SGCZ: variants seen among roughly 807,000 people sequenced by gnomAD.
The protein encoded by SGCZ is zeta-sarcoglycan.
In SGCZ, 40 loss-of-function variants were observed where a neutral mutation model predicts 41.3. That is an observed-to-expected ratio of 0.97 (90% CI 0.75 to 1.26). The LOEUF (loss-of-function observed/expected upper bound fraction) is 1.26, where lower values mean the gene tolerates loss of function less well. SGCZ is among the 50% of genes most tolerant of loss of function. SGCZ has a pLI of 0.00. For missense variants in SGCZ, 552 were observed against 369.8 expected (o/e 1.49, Z -4.04); for synonymous variants, 206 against 137.5 (o/e 1.50, Z -3.49).
chr8:15,161,028 T>C (rs138680335), intron 1 of SGCZ, among the ~76,000 whole-genome samples: 1 of 152,110 alleles, frequency 6.6e-6, no homozygotes, highest in Non-Finnish European at 1.5e-5. Context: ...GATGCTCTCC[T>C]GCTCAGTCCT....
intron 2 of SGCZ, among the ~76,000 whole-genome samples, chr8:14,517,257 C>CT (rs1802649953): frequency 6.6e-6 from 1 of 152,034 alleles, no homozygotes; most frequent in East Asian, 1.9e-4. Flanking sequence ...ATAAGAACAT[C>CT]TTTGACTCTA....
intron 1 of SGCZ, among the ~76,000 whole-genome samples, chr8:15,156,915 G>A (rs537361617): frequency 9.5e-5 from 14 of 146,866 alleles, no homozygotes; most frequent in East Asian, 8.1e-4. Context: ...ATCGCACTCC[G>A]CCTGGGCAAC....
intron 1 of SGCZ, among the ~76,000 whole-genome samples, chr8:15,175,789 AAC>A (rs1360377433): frequency 4.9e-4 from 74 of 152,334 alleles, no homozygotes; most frequent in African/African-American, 1.8e-3. Flanking sequence ...TAAAGGTTGA[AAC>A]ACAGGCAGAA....
chr8:14,691,575 G>T (rs1367346035), intron 1 of SGCZ, among the ~76,000 whole-genome samples: 1 of 151,854 alleles, frequency 6.6e-6, no homozygotes, highest in Admixed American at 6.6e-5. Context: ...TCTTGGAAAG[G>T]TTCAGCTAAT....
At chr8:14,180,856 C>T (rs1305711485) in intron 4 of SGCZ, among the ~76,000 whole-genome samples, 1 of 151,702 alleles carries the variant, frequency 6.6e-6, no homozygotes. Context: ...TTGAGCTGGA[C>T]AGTGCCCCCA....
chr8:14,958,264 T>C (rs1228021087), intron 1 of SGCZ, among the ~76,000 whole-genome samples: 1 of 151,930 alleles, frequency 6.6e-6, no homozygotes, highest in East Asian at 1.9e-4. Flanking sequence ...CAAGAGAAAA[T>C]ATGTATCCAT....
rs1482180776 is a variant in SGCZ, at chr8:14,348,279, G to T, written c.235-24075C>A. On this transcript the variant is annotated intron_variant, in intron 2 of 7. Transcript: ENST00000382080. Reference sequence around the variant, plus strand: ...CTCTCCACTCACACCAAAAATTTGAGATGGTTTCTTTGCAGCTTGAATCCA... The same window carrying T: ...CTCTCCACTCACACCAAAAATTTGATATGGTTTCTTTGCAGCTTGAATCCA... 2.6e-5 allele frequency among the ~76,000 whole-genome samples: 4 copies of T among 152,076 alleles called. No homozygotes were observed. In the East Asian group the frequency reaches 7.7e-4, roughly 29 times the overall value.
rs780862686 is a variant in SGCZ at position 14,511,873 on chromosome 8, T to A, written c.234+42859A>T. On this transcript the variant is annotated intron_variant, in intron 2 of 7. Transcript: ENST00000382080. ...AAGGACAGGGTATCCCTTGATTACA[T>A]CTGGGTACCACCAACATAGTCTATA... Among the ~76,000 whole-genome samples the A allele has an allele frequency of 9.5e-4, 145 of 152,256 alleles. 2 individuals are homozygous for A. Among genetic ancestry groups the A allele is most frequent in the Non-Finnish European group, 4.3e-4 (29 of 68,008 alleles).
intron 3 of SGCZ, among the ~76,000 whole-genome samples, chr8:14,238,111 G>A (rs1806833766): frequency 6.6e-6 from 1 of 152,184 alleles, no homozygotes; most frequent in South Asian, 2.1e-4. Context: ...TCTAATCAGT[G>A]TAACTACAGA....
At chr8:15,048,939 C>A (rs1804413202) in intron 1 of SGCZ, among the ~76,000 whole-genome samples, 1 of 151,890 alleles carries the variant, frequency 6.6e-6, no homozygotes, top group South Asian at 2.1e-4. Context: ...TTTTGCTATC[C>A]CAAATAAAAT....
intron 1 of SGCZ, among the ~76,000 whole-genome samples, chr8:15,072,932 T>C (rs1245075052): frequency 2.0e-5 from 3 of 152,192 alleles, no homozygotes; most frequent in Non-Finnish European, 2.9e-5. Flanking sequence ...CTTGCAATGA[T>C]TGTCCACAGA....
chr8:15,186,856 T>G (rs1450819686), intron 1 of SGCZ, among the ~76,000 whole-genome samples: 4 of 152,126 alleles, frequency 2.6e-5, no homozygotes, highest in Admixed American at 2.6e-4. Context: ...AGCTAGTGGG[T>G]TTTTAAGCAT....
chr8:15,112,088 A>G (rs149648017), intron 1 of SGCZ, among the ~76,000 whole-genome samples: 4,675 of 152,280 alleles, frequency 0.031, 104 homozygotes, highest in Non-Finnish European at 0.044. Context: ...CTTTTGTGAG[A>G]TTAGGTTTGA....
At chr8:15,028,166 G>A (rs1482377243) in intron 1 of SGCZ, among the ~76,000 whole-genome samples, 2 of 152,066 alleles carry the variant, frequency 1.3e-5, no homozygotes. Context: ...ATAAAGATTT[G>A]AATAATCATT....
At chr8:14,246,587 A>G (rs972680809) in intron 3 of SGCZ, among the ~76,000 whole-genome samples, 12 of 144,108 alleles carry the variant, frequency 8.3e-5, no homozygotes, top group Non-Finnish European at 1.5e-4. Context: ...CCTAAAACTT[A>G]AAGTATAATA....
intron 2 of SGCZ, among the ~76,000 whole-genome samples, chr8:14,552,372 C>T (rs1411171757): frequency 6.6e-6 from 1 of 151,846 alleles, no homozygotes; most frequent in Non-Finnish European, 1.5e-5. Context: ...GAGTGTGTCA[C>T]CTTACAGTGT....
chr8:14,129,263 T>A (rs1483938906), intron 5 of SGCZ, among the ~76,000 whole-genome samples: 3 of 146,566 alleles, frequency 2.0e-5, no homozygotes, highest in African/African-American at 7.5e-5. Flanking sequence ...AGAGAATTGC[T>A]TGAACCCAGG....
chr8:14,267,783 G>C (rs551478512), intron 3 of SGCZ, among the ~76,000 whole-genome samples: 3 of 151,960 alleles, frequency 2.0e-5, no homozygotes, highest in African/African-American at 4.8e-5. Context: ...CATTTTAATT[G>C]CTGCATATAT....
At chr8:14,203,085 CA>C (rs1304194379) in intron 4 of SGCZ, among the ~76,000 whole-genome samples, 1 of 152,172 alleles carries the variant, frequency 6.6e-6, no homozygotes, top group East Asian at 1.9e-4. Flanking sequence ...CCTCGCCTTC[CA>C]CCATGATTGT....
Sources: gnomAD v4.1 joint callset for allele counts (sites outside exome capture counted in the v4.1 genomes callset) on GRCh38, gnomAD v4.1.1 for gene constraint, MANE v1.5 for transcripts, NCBI Gene and HGNC (gene_info 2026-07-23, HGNC 2026-07-21) for gene names.